Variants in HIGD1C observed in about 807,000 individuals in gnomAD.
HIGD1C encodes HIG1 hypoxia inducible domain family member 1C.
A neutral mutation model predicts 13.1 loss-of-function variants in HIGD1C; 11 were observed. The ratio of observed to expected loss-of-function variants is 0.84; its 90% CI spans 0.53 to 1.39. The LOEUF (loss-of-function observed/expected upper bound fraction) is 1.39. Among genes scored for constraint, HIGD1C ranks in the 40% most tolerant of loss-of-function variants. The probability of loss-of-function intolerance (pLI) is 0.00; values close to 1 mark genes in which losing one functional copy is unlikely to be tolerated. For missense variants in HIGD1C, 110 were observed against 112.0 expected, an observed-to-expected ratio of 0.98 and a Z score of 0.08; for synonymous variants, 36 against 37.7, an observed-to-expected ratio of 0.95 and a Z score of 0.17.
At chr12:50,969,883 A>G (rs1298495700) in intron 2 of HIGD1C, among the ~76,000 whole-genome samples, 1 of 152,072 alleles carries the variant, frequency 6.6e-6, no homozygotes, top group Non-Finnish European at 1.5e-5. Flanking sequence ...CTTTTGGGTG[A>G]GAACATTTGC....
intron 2 of HIGD1C, among the ~76,000 whole-genome samples, chr12:50,963,922 A>G (rs1939443007): frequency 6.6e-6 from 1 of 152,194 alleles, no homozygotes; most frequent in African/African-American, 2.4e-5. Context: ...ACTTCCAAAT[A>G]AAGACAGTGT....
chr12:50,960,901 A>G (rs1459245991), intron 1 of HIGD1C, 67 bp from the exon 4 acceptor site: 8 of 1,399,640 alleles, frequency 5.7e-6, no homozygotes, highest in South Asian at 4.7e-5. Flanking sequence ...GCTGTTTTCA[A>G]ACTCCTGGTC....
intron 2 of HIGD1C, among the ~76,000 whole-genome samples, chr12:50,970,158 A>C (rs1418218529): frequency 1.3e-5 from 2 of 152,198 alleles, no homozygotes; most frequent in Admixed American, 1.3e-4. Context: ...TTATCTTCAC[A>C]TCTGGTCAAA....
At chr12:50,948,349 AG>A in the HIGD1C span, among the ~76,000 whole-genome samples, 1 of 152,200 alleles carries the variant, frequency 6.6e-6, no homozygotes, top group Admixed American at 6.5e-5. Flanking sequence ...AACTGCTGTA[AG>A]GTACCATTTC....
At chr12:50,960,845 G>C in intron 1 of HIGD1C, 123 bp from the exon 4 acceptor site, 1 of 765,780 alleles carries the variant, frequency 1.3e-6, no homozygotes, top group Non-Finnish European at 2.0e-6. Context: ...ACCATGTGTG[G>C]CTAATTTTTT....
intron 2 of HIGD1C, among the ~76,000 whole-genome samples, chr12:50,963,668 G>A (rs1939433409): frequency 6.6e-6 from 1 of 152,292 alleles, no homozygotes; most frequent in South Asian, 2.1e-4. Flanking sequence ...AATAAAGTGA[G>A]CCAGCAGAGA....
chr12:50,970,365 A>G, intron 2 of HIGD1C, 77 bp from the exon 5 acceptor site: 3 of 805,070 alleles, frequency 3.7e-6, no homozygotes, highest in Non-Finnish European at 6.2e-6. Flanking sequence ...CTAGTTTCAT[A>G]AAAATACAAC....
At chr12:50,957,233 C>CA (rs1435324318) in intron 1 of HIGD1C, among the ~76,000 whole-genome samples, 2 of 149,930 alleles carry the variant, frequency 1.3e-5, no homozygotes, top group Non-Finnish European at 3.0e-5. Context: ...TTTTTAAAGA[C>CA]AGAGTTTCCC....
the HIGD1C span, among the ~76,000 whole-genome samples, chr12:50,938,853 A>C: frequency 6.6e-6 from 1 of 152,216 alleles, no homozygotes; most frequent in African/African-American, 2.4e-5. Context: ...TAGGGAAGAC[A>C]CTAAGTCTAG....
chr12:50,960,840 G>C (rs1319914290), intron 1 of HIGD1C, 128 bp from the exon 4 acceptor site: 13 of 730,296 alleles, frequency 1.8e-5, no homozygotes, highest in Non-Finnish European at 2.4e-5. Flanking sequence ...GTATCACCAT[G>C]TGTGGCTAAT....
At chr12:50,969,408 T>C (rs995431057) in intron 2 of HIGD1C, among the ~76,000 whole-genome samples, 32 of 152,026 alleles carry the variant, frequency 2.1e-4, no homozygotes, top group Admixed American at 7.9e-4. Context: ...TGTAGAAATC[T>C]CATACGTAAG....
chr12:50,969,323 C>T (rs1243904645), intron 2 of HIGD1C, among the ~76,000 whole-genome samples: 1 of 150,076 alleles, frequency 6.7e-6, no homozygotes, highest in Non-Finnish European at 1.5e-5. Context: ...ATAAATAAAT[C>T]CAGATTTTGA....
chr12:50,957,701 A>G (rs1410908833), intron 1 of HIGD1C, among the ~76,000 whole-genome samples: 1 of 151,698 alleles, frequency 6.6e-6, no homozygotes, highest in Non-Finnish European at 1.5e-5. Flanking sequence ...CCTGGCCAAC[A>G]TGGCAAAACC....
chr12:50,966,182 T>C (rs1466439479), intron 2 of HIGD1C, among the ~76,000 whole-genome samples: 1 of 152,080 alleles, frequency 6.6e-6, no homozygotes, highest in African/African-American at 2.4e-5. Flanking sequence ...GATCCCATCA[T>C]CCCCATTGAA....
chr12:50,962,719 T>G (rs73090666), intron 2 of HIGD1C, among the ~76,000 whole-genome samples: 27,840 of 151,882 alleles, frequency 0.18, 2,916 homozygotes, highest in East Asian at 0.5. Flanking sequence ...AAAAATTTTT[T>G]TGCTATGGAA....
the HIGD1C span, among the ~76,000 whole-genome samples, chr12:50,948,854 G>C: frequency 1.6e-5 from 1 of 60,668 alleles, no homozygotes; most frequent in Non-Finnish European, 3.0e-5. Context: ...CCTGGCGACA[G>C]AGCGAGGAGG....
chr12:50,962,318 G>A (rs188105565), intron 2 of HIGD1C, among the ~76,000 whole-genome samples: 44 of 151,800 alleles, frequency 2.9e-4, no homozygotes, highest in African/African-American at 1.0e-3. Flanking sequence ...GGCTGAGGCA[G>A]GAGAATCGCT....
rs139266722 is a variant in HIGD1C, at chr12:50,969,882, G to A, written c.230-560G>A. On this transcript the variant is annotated intron_variant, in intron 2 of 2. Coordinates refer to ENST00000398455, the Ensembl canonical transcript of HIGD1C. ...GTGACTCCCTAACTTGCTTTTGGGTGAGAACATTTGCTGACATCCTTGGAA... is the reference window on the plus strand; with the variant it reads ...GTGACTCCCTAACTTGCTTTTGGGTAAGAACATTTGCTGACATCCTTGGAA... Among the ~76,000 whole-genome samples, 215 of 152,196 alleles carry A rather than the reference G, an allele frequency of 1.4e-3. 1 individual carries two copies. The highest frequency in any genetic ancestry group is 5.0e-3 in the African/African-American group (208 of 41,530).
At chr12:50,962,651 C>A (rs543585954) in intron 2 of HIGD1C, among the ~76,000 whole-genome samples, 44 of 152,248 alleles carry the variant, frequency 2.9e-4, no homozygotes, top group Non-Finnish European at 5.1e-4. Context: ...GAGTCGAAAT[C>A]ATGCCACTGC....
Sources: allele counts gnomAD v4.1 joint callset (sites outside exome capture counted in the v4.1 genomes callset), GRCh38; gene constraint gnomAD v4.1.1; transcripts MANE v1.5; gene names NCBI Gene and HGNC (gene_info 2026-07-23, HGNC 2026-07-21).